RHOU: variants seen among roughly 807,000 people sequenced by gnomAD.
The protein encoded by RHOU is ras homolog family member U, also known as rho-related GTP-binding protein RhoU.
In RHOU, 8 loss-of-function variants were observed where a neutral mutation model predicts 12.6. That is an observed-to-expected ratio of 0.64 (90% CI 0.37 to 1.15). The LOEUF is 1.15. Ranked by LOEUF, RHOU falls within the 50% of genes most tolerant of loss-of-function variation. RHOU has a pLI of 0.01. For missense variants in RHOU, 258 were observed against 347.0 expected (o/e 0.74, Z 2.04); for synonymous variants, 161 against 147.4 (o/e 1.09, Z -0.67).
chr1:228,657,661 C>T, the RHOU span, among the ~76,000 whole-genome samples: 1 of 152,250 alleles, frequency 6.6e-6, no homozygotes, highest in Middle Eastern at 3.4e-3. Context: ...TTGAACAACA[C>T]AATAAATCAG....
chr1:228,687,967 C>T, the RHOU span: 1 of 620,824 alleles, frequency 1.6e-6, no homozygotes, highest in Admixed American at 2.3e-5. Flanking sequence ...TCTGTCCTTC[C>T]TCCCTCCCTC....
At chr1:228,674,280 C>T in the RHOU span, among the ~76,000 whole-genome samples, 2 of 151,362 alleles carry the variant, frequency 1.3e-5, no homozygotes, top group Non-Finnish European at 2.9e-5. Context: ...TCTCTTAATG[C>T]AATCGTTTGA....
chr1:228,707,261 T>TATATATATATATACATATATATATAC, the RHOU span, among the ~76,000 whole-genome samples: 1 of 75,742 alleles, frequency 1.3e-5, no homozygotes, highest in African/African-American at 1.1e-4. Context: ...ATATAGTGTG[T>TATATATATATATACATATATATATAC]GTGTGTGTGT....
chr1:228,736,292 A>C (rs2102715181), intron 1 of RHOU, among the ~76,000 whole-genome samples: 1 of 150,104 alleles, frequency 6.7e-6, no homozygotes, highest in Admixed American at 6.6e-5. Flanking sequence ...CTCACAATTT[A>C]AGCAACAGAT....
the RHOU span, among the ~76,000 whole-genome samples, chr1:228,698,757 G>A: frequency 6.6e-6 from 1 of 152,196 alleles, no homozygotes; most frequent in East Asian, 1.9e-4. Flanking sequence ...AGTAATGAAA[G>A]TACCATTAAA....
At chr1:228,704,938 C>T in the RHOU span, among the ~76,000 whole-genome samples, 328 of 152,180 alleles carry the variant, frequency 2.2e-3, no homozygotes, top group African/African-American at 7.4e-3. Flanking sequence ...GTAGCTGAGA[C>T]TGCAGGCACA....
chr1:228,687,400 C>T, the RHOU span: 5 of 1,047,670 alleles, frequency 4.8e-6, no homozygotes, highest in Non-Finnish European at 5.9e-6. Context: ...TAAAGGAAAC[C>T]CCAACATGCA....
chr1:228,720,096 A>C, the RHOU span, among the ~76,000 whole-genome samples: 1 of 152,078 alleles, frequency 6.6e-6, no homozygotes, highest in Non-Finnish European at 1.5e-5. Flanking sequence ...TGGAGGCTAA[A>C]GCAGGAGGAT....
the RHOU span, among the ~76,000 whole-genome samples, chr1:228,722,002 A>C: frequency 3.9e-5 from 6 of 152,182 alleles, no homozygotes; most frequent in Non-Finnish European, 7.3e-5. Context: ...CCAACCCAGC[A>C]CCAGAAACTA....
At chr1:228,734,382 T>C (rs1453860913), upstream of RHOU, among the ~76,000 whole-genome samples, 1 of 152,182 alleles carries the variant, frequency 6.6e-6, no homozygotes, top group Non-Finnish European at 1.5e-5. Context: ...TATTTTTGCC[T>C]CCAGGATTTT....
chr1:228,714,421 T>A, the RHOU span, among the ~76,000 whole-genome samples: 1 of 152,190 alleles, frequency 6.6e-6, no homozygotes, highest in African/African-American at 2.4e-5. Flanking sequence ...TTTGGTAGAA[T>A]TTCTCTCTGA....
upstream of RHOU, among the ~76,000 whole-genome samples, chr1:228,730,623 C>T (rs1662476926): frequency 6.6e-6 from 1 of 152,242 alleles, no homozygotes; most frequent in African/African-American, 2.4e-5. Flanking sequence ...TGGCAATAGA[C>T]AACCCAGCTT....
the RHOU span, among the ~76,000 whole-genome samples, chr1:228,706,204 G>C: frequency 6.6e-6 from 1 of 152,172 alleles, no homozygotes; most frequent in Non-Finnish European, 1.5e-5. Flanking sequence ...TTGGTCACTT[G>C]ATGCTCTTGT....
the RHOU span, among the ~76,000 whole-genome samples, chr1:228,665,023 T>C: frequency 4.2e-3 from 633 of 152,310 alleles, 2 homozygotes; most frequent in African/African-American, 0.014. Context: ...GCTTATTTAA[T>C]CTTCATGAAA....
rs772009095 is a variant in RHOU, at chr1:228,743,173, C to G, written c.322-112C>G. 17 of 957,592 alleles carry G rather than the reference C, an allele frequency of 1.8e-5. No homozygotes were observed. Among genetic ancestry groups the G allele is most frequent in the Non-Finnish European group, 2.3e-5 (14 of 618,926 alleles). 59.3% of individuals were successfully genotyped at this position (957,592 alleles called of 1,614,324 possible). A position where few individuals can be genotyped will look rare whatever the true frequency, so the allele number is the denominator to read the frequency against. On this transcript the variant is annotated intron_variant, in intron 2 of 2. Coordinates refer to ENST00000366691, the MANE Select transcript of RHOU (RefSeq NM_021205.6). This position sits in a 1 kb window ranked among gnomAD's most constrained non-coding sequence, Gnocchi z 5.1. ...AGGATGCTGGCTCTTCCTTCTAGAA[C>G]CAGCGGGTCTTCTATCACCTGCCAG...
chr1:228,661,019 C>T, the RHOU span, among the ~76,000 whole-genome samples: 4 of 151,146 alleles, frequency 2.6e-5, no homozygotes, highest in Non-Finnish European at 4.4e-5. Flanking sequence ...CAAAAAATCA[C>T]AAGCATTCCT....
chr1:228,651,664 C>T, the RHOU span, among the ~76,000 whole-genome samples: 83 of 152,266 alleles, frequency 5.5e-4, no homozygotes, highest in African/African-American at 1.2e-3. Context: ...CCTCAAAGTT[C>T]GCCTTTTCAT....
the RHOU span, chr1:228,650,038 G>C: frequency 5.2e-6 from 2 of 384,094 alleles, no homozygotes; most frequent in South Asian, 3.8e-5. Flanking sequence ...GTTATCCACA[G>C]TTATTGTTTT....
chr1:228,680,573 T>C, the RHOU span, among the ~76,000 whole-genome samples: 1 of 152,198 alleles, frequency 6.6e-6, no homozygotes, highest in Non-Finnish European at 1.5e-5. Flanking sequence ...ATTGTACACC[T>C]TGAAGGCGAG....
Sources: allele counts gnomAD v4.1 joint callset (sites outside exome capture counted in the v4.1 genomes callset), GRCh38; gene constraint gnomAD v4.1.1; non-coding constraint Gnocchi (gnomAD v3.1); transcripts MANE v1.5; gene names NCBI Gene and HGNC (gene_info 2026-07-23, HGNC 2026-07-21).